SULF2: variants seen among roughly 807,000 people sequenced by gnomAD.
SULF2 encodes the protein sulfatase 2.
SULF2 carries 52 observed loss-of-function variants against 107.7 expected under a neutral mutation model. That is an observed-to-expected ratio of 0.48 (90% CI 0.39 to 0.61). The LOEUF (loss-of-function observed/expected upper bound fraction) is 0.61. Among genes scored for constraint, SULF2 ranks in the 20% least tolerant of loss-of-function variants. SULF2 has a pLI of 0.00. For missense variants in SULF2, 993 were observed against 1,177.3 expected (o/e 0.84, Z 2.29); for synonymous variants, 460 against 464.3 (o/e 0.99, Z 0.12).
intron 2 of SULF2, among the ~76,000 whole-genome samples, chr20:47,755,502 C>T (rs567498965): frequency 5.3e-4 from 80 of 152,206 alleles, no homozygotes; most frequent in Non-Finnish European, 9.9e-4. Context: ...TGATTCGGGC[C>T]CCAAATCTAG....
intron 3 of SULF2, among the ~76,000 whole-genome samples, chr20:47,715,015 C>T (rs1195523910): frequency 1.3e-5 from 2 of 152,058 alleles, no homozygotes; most frequent in East Asian, 3.9e-4. Flanking sequence ...CCTCCCCAGG[C>T]TCAAGCTATC....
intron 7 of SULF2, among the ~76,000 whole-genome samples, chr20:47,681,547 A>G (rs1328784775): frequency 2.0e-5 from 3 of 152,104 alleles, no homozygotes; most frequent in Non-Finnish European, 4.4e-5. Flanking sequence ...GGGAATAGAG[A>G]CTGCCTGGTT....
At chr20:47,670,695 G>T in intron 11 of SULF2, among the ~76,000 whole-genome samples, 1 of 66,702 alleles carries the variant, frequency 1.5e-5, no homozygotes, top group Non-Finnish European at 3.2e-5. Context: ...GAGCGGGGTG[G>T]GAGAACGGGG....
At chr20:47,726,495 C>T (rs1244682165) in intron 3 of SULF2, among the ~76,000 whole-genome samples, 1 of 152,094 alleles carries the variant, frequency 6.6e-6, no homozygotes, top group Non-Finnish European at 1.5e-5. Flanking sequence ...GATTACAGGC[C>T]CAGCCATAGG....
intron 2 of SULF2, among the ~76,000 whole-genome samples, chr20:47,748,405 C>G (rs1339018671): frequency 1.3e-5 from 2 of 152,234 alleles, no homozygotes; most frequent in East Asian, 1.9e-4. Context: ...TCACTGGGAC[C>G]CTTGCTCCTG....
At chr20:47,699,472 A>C (rs1210101696) in intron 4 of SULF2, among the ~76,000 whole-genome samples, 1 of 151,892 alleles carries the variant, frequency 6.6e-6, no homozygotes, top group African/African-American at 2.4e-5. Context: ...CAGTAAATGG[A>C]AGTACACATG....
intron 2 of SULF2, among the ~76,000 whole-genome samples, chr20:47,739,277 C>A (rs1045101014): frequency 6.6e-6 from 1 of 152,204 alleles, no homozygotes; most frequent in Non-Finnish European, 1.5e-5. Flanking sequence ...CACCTAGCAA[C>A]CCCCTAGAAA....
chr20:47,718,535 T>C (rs1294279732), intron 3 of SULF2, among the ~76,000 whole-genome samples: 5 of 152,174 alleles, frequency 3.3e-5, no homozygotes, highest in African/African-American at 7.2e-5. Context: ...GGAACTGGAA[T>C]GTTTGGAGAC....
intron 11 of SULF2, among the ~76,000 whole-genome samples, chr20:47,671,970 A>G (rs1327430053): frequency 5.3e-5 from 8 of 152,172 alleles, no homozygotes; most frequent in Admixed American, 5.2e-4. Context: ...TCGGACTCCC[A>G]AAGTACTGGG....
chr20:47,777,589 A>T (rs2122684909), intron 1 of SULF2, among the ~76,000 whole-genome samples: 1 of 152,340 alleles, frequency 6.6e-6, no homozygotes, highest in Admixed American at 6.5e-5. Flanking sequence ...TTTCTATTGC[A>T]TAAGCCACTG....
intron 1 of SULF2, among the ~76,000 whole-genome samples, chr20:47,778,486 A>G (rs573833191): frequency 2.0e-5 from 3 of 152,378 alleles, no homozygotes; most frequent in African/African-American, 4.8e-5. Flanking sequence ...TTGGAATCAC[A>G]TTAAGAGAAC....
At chr20:47,677,450 C>T (rs758495433) in intron 8 of SULF2, among the ~76,000 whole-genome samples, 1 of 150,940 alleles carries the variant, frequency 6.6e-6, no homozygotes, top group African/African-American at 2.4e-5. Flanking sequence ...ACATCTCAAG[C>T]CCCTCCCAGG....
intron 4 of SULF2, among the ~76,000 whole-genome samples, chr20:47,700,946 G>A (rs560310344): frequency 1.5e-4 from 23 of 152,152 alleles, no homozygotes; most frequent in African/African-American, 5.1e-4. Flanking sequence ...GCGCCTGGCC[G>A]GGCGCAACAT....
intron 3 of SULF2, among the ~76,000 whole-genome samples, chr20:47,713,788 CA>C (rs1032376918): frequency 6.6e-6 from 1 of 151,542 alleles, no homozygotes; most frequent in African/African-American, 2.4e-5. Context: ...AAAACAGAAA[CA>C]AAAAAGAACT....
intron 5 of SULF2, among the ~76,000 whole-genome samples, chr20:47,688,629 G>C (rs889227958): frequency 2.0e-5 from 3 of 152,160 alleles, no homozygotes; most frequent in Non-Finnish European, 4.4e-5. Context: ...CCGGCTGCTG[G>C]GGGAGGCTGG....
At chr20:47,676,089 A>G (rs1202848918) in intron 10 of SULF2, among the ~76,000 whole-genome samples, 6 of 152,262 alleles carry the variant, frequency 3.9e-5, no homozygotes, top group African/African-American at 7.2e-5. Context: ...AACCTTACCT[A>G]TATTTATTTT....
chr20:47,706,404 T>G (rs958826354), intron 3 of SULF2: 2 of 152,198 alleles, frequency 1.3e-5, no homozygotes, highest in Non-Finnish European at 2.9e-5. Context: ...TAGTCAGTAT[T>G]TTAGGCTTTG....
chr20:47,733,380 A>C (rs2089659209), intron 3 of SULF2, among the ~76,000 whole-genome samples: 1 of 152,212 alleles, frequency 6.6e-6, no homozygotes, highest in Admixed American at 6.5e-5. Context: ...TTTGTGAAAC[A>C]CATTATATTC....
In SULF2 at chr20:47,736,857, C is replaced by T; in HGVS notation, c.261G>A (p.Met87Ile). The T allele has an allele frequency of 6.2e-7, 1 of 1,614,234 alleles. No homozygotes were observed. The highest frequency in any genetic ancestry group is 8.5e-7 in the Non-Finnish European group (1 of 1,180,024). ...HFINAFVTTP[M>I]CCPSRSSILT... ...GGATGGAGGAGCGTGAGGGGCAGCA[C>T]ATGGGTGTGGTCACGAAGGCGTTGA... The change falls in exon 3 of 21, where the codon ATG becomes ATA. Residue 87 changes from methionine (M) to isoleucine (I), a missense_variant. Transcript: ENST00000688720.
Sources: gnomAD v4.1 joint callset for allele counts (sites outside exome capture counted in the v4.1 genomes callset) on GRCh38, gnomAD v4.1.1 for gene constraint, MANE v1.5 for transcripts, NCBI Gene and HGNC (gene_info 2026-07-23, HGNC 2026-07-21) for gene names.